Variants in SLC16A3 observed in about 807,000 individuals in gnomAD.
The protein encoded by SLC16A3 is monocarboxylate transporter 4.
Under a neutral mutation model 25.0 loss-of-function variants are expected in SLC16A3, and 22 were observed. The observed-to-expected ratio is 0.88, with a 90% CI of 0.63 to 1.26. SLC16A3 has a LOEUF of 1.26. SLC16A3 is among the 50% of genes most tolerant of loss of function. The probability of loss-of-function intolerance (pLI) is 0.00; values close to 1 mark genes in which losing one functional copy is unlikely to be tolerated. For missense variants in SLC16A3, 731 were observed against 666.6 expected, an observed-to-expected ratio of 1.10 and a Z score of -1.06; for synonymous variants, 390 against 309.2, an observed-to-expected ratio of 1.26 and a Z score of -2.74.
upstream of SLC16A3, among the ~76,000 whole-genome samples, chr17:82,225,138 G>A (rs12450674): frequency 0.027 from 4,184 of 152,194 alleles, 277 homozygotes; most frequent in Admixed American, 0.16. Flanking sequence ...GGCAGGTGCC[G>A]GTAACCCCAG....
At chr17:82,221,573 A>G (rs1392539477) in intron 1 of SLC16A3, among the ~76,000 whole-genome samples, 1 of 132,972 alleles carries the variant, frequency 7.5e-6, no homozygotes, top group Non-Finnish European at 1.6e-5. Context: ...TGTTCCAAAC[A>G]TAAAAGAGAA....
upstream of SLC16A3, among the ~76,000 whole-genome samples, chr17:82,227,575 C>CA (rs1358320172): frequency 3.5e-5 from 5 of 143,152 alleles, no homozygotes; most frequent in African/African-American, 1.3e-4. Flanking sequence ...AAGATGGGAG[C>CA]ACCACCTGCC....
upstream of SLC16A3, among the ~76,000 whole-genome samples, chr17:82,224,165 CGTGCAGACACA>C (rs2050406431): frequency 1.1e-5 from 1 of 87,506 alleles, no homozygotes; most frequent in Non-Finnish European, 2.3e-5. Flanking sequence ...CCCCTACACC[CGTGCAGACACA>C]CCCCTACACC....
Position 82,237,572 on chromosome 17 carries a change from A to G in SLC16A3, c.802A>G (p.Thr268Ala). 6.2e-7 allele frequency: 1 copy of G among 1,611,262 alleles called. No homozygotes were observed. ...CGACACCAAGGCCGCCTTCCTGCTCACCATCCTGGGCTTCATTGACATCTT... is the reference window on the plus strand; with the variant it reads ...CGACACCAAGGCCGCCTTCCTGCTCGCCATCCTGGGCTTCATTGACATCTT... ...VPDTKAAFLL[T>A]ILGFIDIFAR... Residue 268 changes from threonine to alanine, a missense_variant, in exon 4 of 5, where the codon ACC becomes GCC. Thr to Ala is a moderately conservative substitution (Grantham distance 58). Transcript: ENST00000582743.
At chr17:82,228,975 CG>C (rs1467617035), upstream of SLC16A3, 1 of 149,216 alleles carries the variant, frequency 6.7e-6, no homozygotes, top group Non-Finnish European at 1.5e-5. Flanking sequence ...CAGGCGGTGA[CG>C]TGCGCGGGGG....
At chr17:82,220,212 C>T (rs950256560) in intron 1 of SLC16A3, among the ~76,000 whole-genome samples, 3 of 152,172 alleles carry the variant, frequency 2.0e-5, no homozygotes, top group South Asian at 2.1e-4. Context: ...ACCTTCTTGC[C>T]AAGGAAGGCT....
Position 82,239,072 on chromosome 17 carries a change from C to T in SLC16A3, c.*96C>T, listed in dbSNP as rs924783220. 4.4e-5 allele frequency: 55 copies of T among 1,249,246 alleles called. No individual in the cohort carries two copies. The highest frequency in any genetic ancestry group is 5.6e-4 in the Middle Eastern group (2 of 3,568). The allele number at this position is 1,249,246 out of a possible 1,614,324, so 77.4% of individuals were successfully genotyped here. A position where few individuals can be genotyped will look rare whatever the true frequency, so the allele number is the denominator to read the frequency against. ...AACTGGACTGGCTCAGGCAGGGCCA[C>T]GGCTGGGCTCCAGCTGCCGGCCCAG... On this transcript the variant is annotated 3_prime_UTR_variant, in exon 5 of 5. Transcript: ENST00000582743.
At chr17:82,222,656 T>A (rs1260275153) in intron 1 of SLC16A3, among the ~76,000 whole-genome samples, 3 of 151,868 alleles carry the variant, frequency 2.0e-5, no homozygotes, top group Non-Finnish European at 4.4e-5. Context: ...ATACAAAAAT[T>A]AGCTGGGCGT....
In SLC16A3 at chr17:82,239,868, C is replaced by T; in HGVS notation, c.*892C>T. 1 of 596,752 alleles carries T rather than the reference C, an allele frequency of 1.7e-6. No individual in the cohort carries two copies. The highest frequency in any genetic ancestry group is 2.5e-6 in the Non-Finnish European group (1 of 407,970). 37.0% of individuals were successfully genotyped at this position (596,752 alleles called of 1,614,324 possible). The stretch of plus-strand genomic sequence containing the variant: ...TGGTCTTTGCACCCTGTCCTCCATC[C>T]AGCCCGGCCCAGCGCTTGGGCTTGT... On this transcript the variant is annotated 3_prime_UTR_variant, in exon 5 of 5. Transcript: ENST00000582743.
Position 82,238,829 on chromosome 17 carries a change from A to G in SLC16A3, c.1251A>G (p.Pro417=), listed in dbSNP as rs773514269. 6.2e-6 allele frequency: 10 copies of G among 1,612,718 alleles called. No homozygotes were observed. In the East Asian group the frequency reaches 1.3e-4, roughly 22 times the overall value. The change falls in exon 5 of 5, where the codon CCA becomes CCG. Residue 417 remains proline (P), a synonymous_variant. Coordinates refer to ENST00000582743, the MANE Select transcript of SLC16A3 (RefSeq NM_004207.4). ...FFCIRKKPKE[P]QPEVAAAEEE... ...GCATTAGGAAGAAGCCCAAAGAGCC[A>G]CAGCCTGAGGTGGCGGCCGCGGAGG...
At position 82,239,414 on chromosome 17, in the gene SLC16A3, C is replaced by T. The variant is rs9916408; in HGVS notation, c.*438C>T. ...GCCTGTGCCCACCCCTCTTGAGTGT[C>T]TTGGGGACAGCTCTTTCCACCCCTG... On this transcript the variant is annotated 3_prime_UTR_variant, in exon 5 of 5. Transcript: ENST00000582743. 1,324 of 174,156 alleles carry T rather than the reference C, an allele frequency of 7.6e-3. 13 individuals carry two copies. The highest frequency in any genetic ancestry group is 0.03 in the African/African-American group (1,262 of 42,472). 10.8% of individuals were successfully genotyped at this position (174,156 alleles called of 1,614,324 possible).
chr17:82,227,568 ATGGGAGCACCACCTGCCCTGGG>A (rs2050431537), upstream of SLC16A3, among the ~76,000 whole-genome samples: 2 of 123,618 alleles, frequency 1.6e-5, no homozygotes, highest in Non-Finnish European at 3.1e-5. Context: ...GTGCAGGAAG[ATGGGAGCACCACCTGCCCTGGG>A]CGGGAGCACC....
Position 82,237,213 on chromosome 17 carries a change from C to A in SLC16A3, c.443C>A (p.Ala148Asp). 6.5e-7 allele frequency: 1 copy of A among 1,543,468 alleles called. No homozygotes were observed. The highest frequency in any genetic ancestry group is 1.2e-5 in the South Asian group (1 of 82,454). ...NRYFSKRRPM[A>D]NGLAAAGSPV... ...TACTTCAGCAAGCGGCGCCCCATGG[C>A]CAACGGGCTGGCGGCAGCAGGTAGC... is the stretch of plus-strand genomic sequence containing the variant. The change falls in exon 4 of 5, where the codon GCC becomes GAC. Residue 148 changes from alanine (A) to aspartate (D), a missense_variant. Coordinates refer to ENST00000582743, the MANE Select transcript of SLC16A3 (RefSeq NM_004207.4).
chr17:82,237,975 C>T, intron 4 of SLC16A3, 82 bp downstream of exon 4: 2 of 1,470,168 alleles, frequency 1.4e-6, no homozygotes, highest in East Asian at 4.7e-5. Context: ...GACGCGCACC[C>T]CTCGGCAGCC....
rs914265273 is a variant in SLC16A3 at position 82,239,028 on chromosome 17, G to A, written c.*52G>A. 2.4e-5 allele frequency: 35 copies of A among 1,473,308 alleles called. No homozygotes were observed. Among genetic ancestry groups the A allele is most frequent in the African/African-American group, 4.2e-5 (3 of 70,824 alleles). 91.3% of individuals were successfully genotyped at this position (1,473,308 alleles called of 1,614,324 possible). A position where few individuals can be genotyped will look rare whatever the true frequency, so the allele number is the denominator to read the frequency against. ...GGGAGGAGGTACAGAAGCCGGCAAC[G>A]CTTGCTATTTATTTTACAAACTGGA... On this transcript the variant is annotated 3_prime_UTR_variant, in exon 5 of 5. Coordinates refer to ENST00000582743, the MANE Select transcript of SLC16A3 (RefSeq NM_004207.4).
Position 82,238,772 on chromosome 17 carries a change from C to T in SLC16A3, c.1194C>T (p.Ser398=), listed in dbSNP as rs751244169. 6.2e-7 allele frequency: 1 copy of T among 1,612,796 alleles called. No homozygotes were observed. Among genetic ancestry groups the T allele is most frequent in the Non-Finnish European group, 8.5e-7 (1 of 1,179,956 alleles). ...TGGCGGGGGCCGAGGTGCTCACCTCCTCCCTGATTTTGCTGCTGGGCAACT... is the reference window on the plus strand; with the variant it reads ...TGGCGGGGGCCGAGGTGCTCACCTCTTCCCTGATTTTGCTGCTGGGCAACT... ...FILAGAEVLT[S]SLILLLGNFF... Residue 398 remains serine (S), a synonymous_variant, in exon 5 of 5, where the codon TCC becomes TCT. Transcript: ENST00000582743.
upstream of SLC16A3, among the ~76,000 whole-genome samples, chr17:82,228,021 GCCT>G (rs1011553417): frequency 5.9e-5 from 9 of 152,322 alleles, no homozygotes; most frequent in African/African-American, 1.9e-4. Flanking sequence ...GATACCCCCT[GCCT>G]CCTTTGTGTG....
chr17:82,231,977 GA>G (rs955985591), intron 1 of SLC16A3: 2 of 152,330 alleles, frequency 1.3e-5, no homozygotes, highest in African/African-American at 4.8e-5. Context: ...GGGCTGCCGG[GA>G]GTTGCTCACT....
intron 1 of SLC16A3, among the ~76,000 whole-genome samples, chr17:82,219,161 A>G (rs906037584): frequency 1.3e-5 from 2 of 152,056 alleles, no homozygotes; most frequent in Admixed American, 1.3e-4. Context: ...CAGGAGATGC[A>G]GGGAAGCCCC....
Sources: gnomAD v4.1 joint callset for allele counts (sites outside exome capture counted in the v4.1 genomes callset) on GRCh38, gnomAD v4.1.1 for gene constraint, MANE v1.5 for transcripts, NCBI Gene and HGNC (gene_info 2026-07-23, HGNC 2026-07-21) for gene names.